The following KCTD8 variants were observed in gnomAD, a reference collection of about 807,000 sequenced individuals.
The protein encoded by KCTD8 is BTB/POZ domain-containing protein KCTD8.
In KCTD8, 27 loss-of-function variants were observed where a neutral mutation model predicts 31.5. That is an observed-to-expected ratio of 0.86 (90% CI 0.63 to 1.18). The LOEUF is 1.18. KCTD8 is among the 50% of genes most tolerant of loss of function. The probability of loss-of-function intolerance (pLI) is 0.00; values close to 1 mark genes in which losing one functional copy is unlikely to be tolerated. For missense variants in KCTD8, 658 were observed against 647.7 expected (o/e 1.02, Z -0.17); for synonymous variants, 290 against 280.0 (o/e 1.04, Z -0.36).
chr4:44,238,295 G>A (rs1256345519), intron 1 of KCTD8, among the ~76,000 whole-genome samples: 1 of 151,852 alleles, frequency 6.6e-6, no homozygotes, highest in African/African-American at 2.4e-5. Flanking sequence ...GGTTGTGGAT[G>A]GTGTTATATT....
At chr4:44,393,086 T>C (rs942717044) in intron 1 of KCTD8, among the ~76,000 whole-genome samples, 8 of 151,990 alleles carry the variant, frequency 5.3e-5, no homozygotes, top group Non-Finnish European at 7.4e-5. Context: ...GTGGGAAAGT[T>C]GCAATACTGT....
intron 1 of KCTD8, among the ~76,000 whole-genome samples, chr4:44,311,507 A>T (rs957113188): frequency 6.6e-6 from 1 of 152,116 alleles, no homozygotes; most frequent in South Asian, 2.1e-4. Context: ...ATATTTTAAA[A>T]TTCAAGTCAT....
rs1242760247 is a variant in KCTD8 at position 44,448,464 on chromosome 4, A to C, written c.60T>G (p.Val20=). 4 of 1,542,750 alleles carry C rather than the reference A, an allele frequency of 2.6e-6. No individual in the cohort carries two copies. The South Asian group carries it at 5.1e-5, about 20-fold the overall frequency. Residue 20 remains valine, a synonymous_variant, in exon 1 of 2, where the codon GTT becomes GTG. Coordinates refer to ENST00000360029, the MANE Select transcript of KCTD8 (RefSeq NM_198353.3). This position sits in a 1 kb window ranked among gnomAD's most constrained non-coding sequence, Gnocchi z 4.1. ...ACGCGCCGGGCGAGCTGGACGAGGA[A>C]ACCATCTCGCTAATGGGCAGGATGG... ...GSTILPISEM[V]SSSSSPGASA... is the part of the protein sequence containing the mutation.
chr4:44,368,100 G>C (rs1719689136), intron 1 of KCTD8, among the ~76,000 whole-genome samples: 4 of 152,154 alleles, frequency 2.6e-5, no homozygotes, highest in Admixed American at 2.6e-4. Context: ...AATCAGGCCA[G>C]TTGTGGTGGC....
intron 1 of KCTD8, among the ~76,000 whole-genome samples, chr4:44,381,207 T>A (rs1720054420): frequency 6.6e-6 from 1 of 151,994 alleles, no homozygotes; most frequent in Admixed American, 6.6e-5. Flanking sequence ...CATGGGAGAT[T>A]TTCACTCTAA....
chr4:44,266,386 G>C (rs1337691710), intron 1 of KCTD8, among the ~76,000 whole-genome samples: 2 of 152,160 alleles, frequency 1.3e-5, no homozygotes, highest in African/African-American at 4.8e-5. Context: ...AAGAGCTCCT[G>C]AAGGAAGCAG....
At chr4:44,407,744 T>G (rs1718279323) in intron 1 of KCTD8, among the ~76,000 whole-genome samples, 1 of 152,118 alleles carries the variant, frequency 6.6e-6, no homozygotes, top group Non-Finnish European at 1.5e-5. Context: ...CTGGTTCAAG[T>G]CCTTAAATAA....
At chr4:44,329,599 A>G (rs1718541020) in intron 1 of KCTD8, among the ~76,000 whole-genome samples, 1 of 151,952 alleles carries the variant, frequency 6.6e-6, no homozygotes, top group African/African-American at 2.4e-5. Context: ...CACATTCTTG[A>G]TCTTAATCAG....
At chr4:44,363,351 A>G (rs2109431602) in intron 1 of KCTD8, among the ~76,000 whole-genome samples, 1 of 152,250 alleles carries the variant, frequency 6.6e-6, no homozygotes, top group South Asian at 2.1e-4. Flanking sequence ...TGTTCCTACA[A>G]ATTGTAATAC....
intron 1 of KCTD8, among the ~76,000 whole-genome samples, chr4:44,384,891 C>T (rs1720168722): frequency 6.6e-6 from 1 of 151,328 alleles, no homozygotes; most frequent in African/African-American, 2.4e-5. Flanking sequence ...CAAAATGTCA[C>T]AGGGTATCCG....
At chr4:44,187,459 T>G (rs1334841606) in intron 1 of KCTD8, among the ~76,000 whole-genome samples, 1 of 152,242 alleles carries the variant, frequency 6.6e-6, no homozygotes, top group Non-Finnish European at 1.5e-5. Context: ...CCTTTTGGAA[T>G]CTGGAATGAA....
At chr4:44,199,540 T>C (rs565468945) in intron 1 of KCTD8, among the ~76,000 whole-genome samples, 1 of 152,176 alleles carries the variant, frequency 6.6e-6, no homozygotes, top group East Asian at 1.9e-4. Flanking sequence ...TTAATCAACT[T>C]GCTCCAGAAT....
intron 1 of KCTD8, among the ~76,000 whole-genome samples, chr4:44,429,746 A>T (rs1190201090): frequency 6.6e-6 from 1 of 151,770 alleles, no homozygotes; most frequent in Non-Finnish European, 1.5e-5. Flanking sequence ...AAATAAAAGG[A>T]ATAATCATTA....
At chr4:44,313,445 C>A (rs932504951) in intron 1 of KCTD8, among the ~76,000 whole-genome samples, 1 of 152,134 alleles carries the variant, frequency 6.6e-6, no homozygotes, top group Non-Finnish European at 1.5e-5. Context: ...AATAAAACTG[C>A]TCTTGAATTT....
At chr4:44,178,185 AG>A (rs771997514) in intron 1 of KCTD8, among the ~76,000 whole-genome samples, 1 of 152,202 alleles carries the variant, frequency 6.6e-6, no homozygotes, top group Admixed American at 6.5e-5. Context: ...CTTTCCCCAT[AG>A]GAGCATTTTA....
At chr4:44,184,051 C>T (rs1157418121) in intron 1 of KCTD8, among the ~76,000 whole-genome samples, 1 of 151,996 alleles carries the variant, frequency 6.6e-6, no homozygotes, top group Non-Finnish European at 1.5e-5. Context: ...GTGTTAGCTA[C>T]AAGGGTGGGG....
At chr4:44,317,122 GT>G (rs1477707521) in intron 1 of KCTD8, among the ~76,000 whole-genome samples, 1 of 146,728 alleles carries the variant, frequency 6.8e-6, no homozygotes, top group African/African-American at 2.5e-5. Flanking sequence ...CTTTCATTTT[GT>G]TTTTTTGTTG....
At position 44,227,678 on chromosome 4, in the gene KCTD8, T is replaced by C. The variant is rs563771960; in HGVS notation, c.962-52428A>G. Among the ~76,000 whole-genome samples, 243 of 152,280 alleles carry C rather than the reference T, an allele frequency of 1.6e-3. 1 individual carries two copies. The highest frequency in any genetic ancestry group is 2.8e-3 in the Non-Finnish European group (188 of 68,012). ...TAAATAATTTAGAACCTCATAAAAA[T>C]ACCATTTAGAAATATTTGTCAAATA... On this transcript the variant is annotated intron_variant, in intron 1 of 1. Transcript: ENST00000360029.
intron 1 of KCTD8, among the ~76,000 whole-genome samples, chr4:44,182,243 G>C (rs990422515): frequency 6.6e-6 from 1 of 152,186 alleles, no homozygotes; most frequent in Non-Finnish European, 1.5e-5. Context: ...CCCCTTCTGG[G>C]AAGTGAGGAG....
Sources: allele counts gnomAD v4.1 joint callset (sites outside exome capture counted in the v4.1 genomes callset), GRCh38; gene constraint gnomAD v4.1.1; non-coding constraint Gnocchi (gnomAD v3.1); transcripts MANE v1.5; gene names NCBI Gene and HGNC (gene_info 2026-07-23, HGNC 2026-07-21).